Variants in OPCML observed in about 807,000 individuals in gnomAD.
The protein encoded by OPCML is opioid binding protein/cell adhesion molecule like.
A neutral mutation model predicts 37.8 loss-of-function variants in OPCML; 13 were observed. The observed-to-expected ratio is 0.34, with a 90% confidence interval of 0.22 to 0.55. The LOEUF (loss-of-function observed/expected upper bound fraction) is 0.55, where lower values mean the gene tolerates loss of function less well. OPCML is among the 20% of genes least tolerant of loss of function. The pLI is 0.91. For missense variants in OPCML, 341 were observed against 435.6 expected, an observed-to-expected ratio of 0.78 and a Z score of 1.93; for synonymous variants, 176 against 168.8, an observed-to-expected ratio of 1.04 and a Z score of -0.33.
At chr11:133,073,716 G>T (rs1211559132) in intron 1 of OPCML, among the ~76,000 whole-genome samples, 1 of 152,160 alleles carries the variant, frequency 6.6e-6, no homozygotes, top group African/African-American at 2.4e-5. Context: ...AATATCTGCT[G>T]GTCTTGACAT....
At chr11:132,605,360 A>C (rs1938213540) in intron 3 of OPCML, among the ~76,000 whole-genome samples, 1 of 151,942 alleles carries the variant, frequency 6.6e-6, no homozygotes, top group East Asian at 1.9e-4. Flanking sequence ...GATCGAGATC[A>C]TCCTGACCAA....
At chr11:132,694,179 CTTTTTTTTTTTTTTTTTTTTTTT>C (rs1162305568) in intron 2 of OPCML, among the ~76,000 whole-genome samples, 1 of 42,978 alleles carries the variant, frequency 2.3e-5, no homozygotes, top group African/African-American at 9.1e-5. Context: ...AAATCAATGT[CTTTTTTTTTTTTTTTTTTTTTTT>C]TTTTTTTTTT....
At chr11:132,725,120 A>G (rs59062887) in intron 2 of OPCML, among the ~76,000 whole-genome samples, 2 of 152,160 alleles carry the variant, frequency 1.3e-5, no homozygotes, top group African/African-American at 4.8e-5. Flanking sequence ...GTGGGCTCCA[A>G]CTCCACATTT....
intron 1 of OPCML, among the ~76,000 whole-genome samples, chr11:133,260,107 A>C (rs1467668742): frequency 6.6e-6 from 1 of 151,786 alleles, no homozygotes; most frequent in Non-Finnish European, 1.5e-5. Flanking sequence ...TATAGTAGTG[A>C]GTCCTGTGGC....
At chr11:132,803,060 G>A (rs914890696) in intron 2 of OPCML, among the ~76,000 whole-genome samples, 23 of 152,090 alleles carry the variant, frequency 1.5e-4, no homozygotes, top group Non-Finnish European at 5.9e-5. Flanking sequence ...TCATGTTTTG[G>A]AATGGTTTAA....
chr11:133,520,814 A>T (rs1278955128), intron 1 of OPCML, among the ~76,000 whole-genome samples: 1 of 152,136 alleles, frequency 6.6e-6, no homozygotes, highest in Non-Finnish European at 1.5e-5. Context: ...CAGGTCTCTC[A>T]TCACAACCCA....
chr11:132,544,624 G>T (rs1178087907), intron 3 of OPCML, among the ~76,000 whole-genome samples: 3 of 152,238 alleles, frequency 2.0e-5, no homozygotes, highest in Non-Finnish European at 4.4e-5. Flanking sequence ...GGTTAATAAG[G>T]TTCACCAGCA....
At chr11:133,341,102 C>A (rs549531053) in intron 1 of OPCML, among the ~76,000 whole-genome samples, 2 of 152,174 alleles carry the variant, frequency 1.3e-5, no homozygotes, top group African/African-American at 4.8e-5. Context: ...CAGCTGCGAG[C>A]TTCTTGTGGG....
At chr11:132,547,028 C>T (rs2096370243) in intron 3 of OPCML, among the ~76,000 whole-genome samples, 1 of 152,172 alleles carries the variant, frequency 6.6e-6, no homozygotes, top group Admixed American at 6.5e-5. Flanking sequence ...TGGCACTTCT[C>T]ATAAACTTGG....
intron 1 of OPCML, among the ~76,000 whole-genome samples, chr11:133,185,365 G>A (rs1436874741): frequency 6.6e-6 from 1 of 152,186 alleles, no homozygotes; most frequent in Non-Finnish European, 1.5e-5. Flanking sequence ...GTGAAGAACA[G>A]CCACTTAAAT....
At chr11:133,057,649 C>CT (rs978319712) in intron 1 of OPCML, among the ~76,000 whole-genome samples, 2 of 152,290 alleles carry the variant, frequency 1.3e-5, no homozygotes, top group African/African-American at 4.8e-5. Context: ...GCTATTTGCC[C>CT]TTTTTTCAAA....
chr11:133,529,639 A>G (rs555002162), intron 1 of OPCML, among the ~76,000 whole-genome samples: 1 of 152,336 alleles, frequency 6.6e-6, no homozygotes, highest in South Asian at 2.1e-4. Context: ...CAAGAAATAG[A>G]AGCTGCAGAA....
chr11:133,527,669 G>C (rs1948516827), intron 1 of OPCML, among the ~76,000 whole-genome samples: 1 of 152,116 alleles, frequency 6.6e-6, no homozygotes, highest in African/African-American at 2.4e-5. Flanking sequence ...TAAAAATTTA[G>C]AAGTGTTTAT....
intron 1 of OPCML, among the ~76,000 whole-genome samples, chr11:133,032,039 A>G (rs956469570): frequency 1.3e-5 from 2 of 152,206 alleles, no homozygotes; most frequent in African/African-American, 4.8e-5. Context: ...TCTCTGTTCA[A>G]AATCAGATGG....
chr11:133,051,363 C>T (rs189639409), intron 1 of OPCML, among the ~76,000 whole-genome samples: 82 of 152,160 alleles, frequency 5.4e-4, no homozygotes, highest in African/African-American at 1.9e-3. Flanking sequence ...GTCTCCCAAC[C>T]GAAAAAAGGA....
Position 132,416,066 on chromosome 11 carries a change from G to A in OPCML, c.*4127C>T, listed in dbSNP as rs999482953. ...TGGGTATAAGAGTTTCCAAGATAAG[G>A]TCACGTGCAAAATGAAAACAAAAGA... On this transcript the variant is annotated 3_prime_UTR_variant, in exon 8 of 8. Coordinates refer to ENST00000524381, the MANE Select transcript of OPCML (RefSeq NM_001012393.5). 6.6e-6 allele frequency: 1 copy of A among 152,476 alleles called. No individual in the cohort carries two copies. Among genetic ancestry groups the A allele is most frequent in the Non-Finnish European group, 1.5e-5 (1 of 68,034 alleles). The allele number at this position is 152,476 out of a possible 1,614,324, so 9.4% of individuals were successfully genotyped here.
At chr11:132,815,101 C>T (rs998219712) in intron 2 of OPCML, among the ~76,000 whole-genome samples, 2 of 152,168 alleles carry the variant, frequency 1.3e-5, no homozygotes, top group Non-Finnish European at 2.9e-5. Flanking sequence ...GAAGCCTTTG[C>T]CCCACATGGA....
rs115516697 is a variant in OPCML, at chr11:132,932,338, G to A, written c.146+10588C>T. ...CGTATTTTTACCACAATAAAAACAG[G>A]GGCATGGAGGAACTTTTTGGGGTAA... On this transcript the variant is annotated intron_variant, in intron 2 of 7. Coordinates refer to ENST00000524381, the MANE Select transcript of OPCML (RefSeq NM_001012393.5). Among the ~76,000 whole-genome samples, 348 of 152,202 alleles carry A rather than the reference G, an allele frequency of 2.3e-3. 2 individuals are homozygous for A. The highest frequency in any genetic ancestry group is 7.9e-3 in the African/African-American group (326 of 41,510).
At chr11:133,342,968 T>G (rs998776649) in intron 1 of OPCML, among the ~76,000 whole-genome samples, 3 of 152,136 alleles carry the variant, frequency 2.0e-5, no homozygotes, top group African/African-American at 7.2e-5. Context: ...AGTGGCACAA[T>G]CATAGCTCGC....
Sources: gnomAD v4.1 joint callset for allele counts (sites outside exome capture counted in the v4.1 genomes callset) on GRCh38, gnomAD v4.1.1 for gene constraint, MANE v1.5 for transcripts, NCBI Gene and HGNC (gene_info 2026-07-23, HGNC 2026-07-21) for gene names.